The following RBBP8NL variants were observed in gnomAD, a reference collection of about 807,000 sequenced individuals.
The protein encoded by RBBP8NL is RBBP8 N-terminal like, also known as RBBP8 N-terminal-like protein.
A neutral mutation model predicts 62.2 loss-of-function variants in RBBP8NL; 59 were observed. That is an observed-to-expected ratio of 0.95 (90% CI 0.77 to 1.18). The LOEUF (loss-of-function observed/expected upper bound fraction) is 1.18. RBBP8NL is among the 50% of genes most tolerant of loss of function. The pLI is 0.00. For synonymous variants in RBBP8NL, 412 were observed against 394.1 expected, an observed-to-expected ratio of 1.05 and a Z score of -0.54; for missense variants, 896 against 899.5, an observed-to-expected ratio of 1.00 and a Z score of 0.05.
chr20:62,415,810 C>G lies in RBBP8NL; in HGVS notation c.522G>C (p.Gln174His), dbSNP rs778785704. 1.2e-6 allele frequency: 2 copies of G among 1,612,526 alleles called. No homozygotes were observed. The highest frequency in any genetic ancestry group is 1.7e-6 in the Non-Finnish European group (2 of 1,179,908). ...GGHEEAEEDH[Q>H]GVGLRGEEKP... ...CACCTTCTCCCCGTAGGCCCACGCCCTGGTGGTCTTCCTCAGCCTCCTCGT... is the reference window on the plus strand; with the variant it reads ...CACCTTCTCCCCGTAGGCCCACGCCGTGGTGGTCTTCCTCAGCCTCCTCGT... The change falls in exon 7 of 14, where the codon CAG (glutamine) becomes CAC (histidine). Residue 174 changes from glutamine (Q) to histidine (H), a missense_variant. Coordinates refer to ENST00000252998, the MANE Select transcript of RBBP8NL (RefSeq NM_080833.3).
chr20:62,415,298 G>A lies in RBBP8NL; in HGVS notation c.628-11C>T. 1.3e-6 allele frequency: 2 copies of A among 1,565,982 alleles called. No homozygotes were observed. The highest frequency in any genetic ancestry group is 1.7e-6 in the Non-Finnish European group (2 of 1,164,166). On this transcript the variant is annotated splice_polypyrimidine_tract_variant and intron_variant, in intron 8 of 13. Coordinates refer to ENST00000252998, the MANE Select transcript of RBBP8NL (RefSeq NM_080833.3). ...GATGCGCTGGGGGCTCTGTGAGGAT[G>A]GGTGGGTCAGCCTGGGCGGGGGCAT...
rs1008687038 is a variant in RBBP8NL, at chr20:62,415,388, C to A, written c.628-101G>T. 1.3e-5 allele frequency: 18 copies of A among 1,425,872 alleles called. No homozygotes were observed. The East Asian group carries it at 4.0e-4, about 31-fold the overall frequency. 88.3% of individuals were successfully genotyped at this position (1,425,872 alleles called of 1,614,324 possible). ...CCTGCCCTGGGCTGCTCCCACTCTG[C>A]CCCTGCTCACTGCTGAGCTGCACCC... On this transcript the variant is annotated intron_variant, in intron 8 of 13. Transcript: ENST00000252998.
rs1424937021 is a variant in RBBP8NL at position 62,416,161 on chromosome 20, C to T, written c.386+3G>A. On this transcript the variant is annotated splice_donor_region_variant and intron_variant, in intron 6 of 13. Coordinates refer to ENST00000252998, the MANE Select transcript of RBBP8NL (RefSeq NM_080833.3). ...CTGAGCCCTGGGACCCTTTCCCACT[C>T]ACCCCAGGCCCCGAAGCCGCTTCAC... is the stretch of plus-strand genomic sequence containing the variant. 2.5e-6 allele frequency: 4 copies of T among 1,611,100 alleles called. No individual in the cohort carries two copies. In the South Asian group the frequency reaches 4.4e-5, roughly 18 times the overall value.
At chr20:62,425,188 G>A (rs926301858) in intron 1 of RBBP8NL, among the ~76,000 whole-genome samples, 5 of 152,174 alleles carry the variant, frequency 3.3e-5, no homozygotes, top group African/African-American at 4.8e-5. Context: ...GTGAGCAGCC[G>A]AGGGAGACCC....
chr20:62,417,320 C>T lies in RBBP8NL; in HGVS notation c.105-1G>A. ...GAGCTCCTCGATCCTCTGGGCGTCC[C>T]TGTGGTGGGAAACAGCTAAAGTGGG... On this transcript the variant is annotated splice_acceptor_variant, in intron 3 of 13. Coordinates refer to ENST00000252998, the MANE Select transcript of RBBP8NL (RefSeq NM_080833.3). LOFTEE classifies it high-confidence loss of function. 6.3e-7 allele frequency: 1 copy of T among 1,589,828 alleles called. No individual in the cohort carries two copies. Among genetic ancestry groups the T allele is most frequent in the Non-Finnish European group, 8.6e-7 (1 of 1,167,936 alleles).
At position 62,417,426 on chromosome 20, in the gene RBBP8NL, G is replaced by C. The variant is rs1036432264; in HGVS notation, c.105-107C>G. ...AGCGCGATTCGGCACCTGCAGCCTT[G>C]GTCTGGGGGCAACGCCTAACCCGGT... On this transcript the variant is annotated intron_variant, in intron 3 of 13. Transcript: ENST00000252998. 2.0e-4 allele frequency: 162 copies of C among 814,866 alleles called. 1 individual carries two copies. The highest frequency in any genetic ancestry group is 7.2e-4 in the Admixed American group (31 of 43,142). The allele number at this position is 814,866 out of a possible 1,614,324, so 50.5% of individuals were successfully genotyped here.
At position 62,415,844 on chromosome 20, in the gene RBBP8NL, G is replaced by T; in HGVS notation, c.488C>A (p.Pro163Gln). ...GGWKAITEKP[P>Q]GGHEEAEEDH... is the part of the protein sequence containing the mutation. ...TTCCTCAGCCTCCTCGTGGCCTCCC[G>T]GTGGCTTCTCTGTGATGGCCTTCCA... Residue 163 changes from proline to glutamine, a missense_variant, in exon 7 of 14, where the codon CCG becomes CAG. Transcript: ENST00000252998. The T allele has an allele frequency of 4.3e-6, 7 of 1,612,156 alleles. No individual in the cohort carries two copies. The highest frequency in any genetic ancestry group is 5.1e-6 in the Non-Finnish European group (6 of 1,179,806).
intron 1 of RBBP8NL, among the ~76,000 whole-genome samples, chr20:62,424,891 C>A (rs188876779): frequency 4.1e-4 from 62 of 152,264 alleles, no homozygotes; most frequent in Admixed American, 2.9e-3. Flanking sequence ...GCACCCCCCC[C>A]ACCCGCTGAG....
At chr20:62,411,802 C>T (rs1988440533) in intron 13 of RBBP8NL, among the ~76,000 whole-genome samples, 1 of 152,262 alleles carries the variant, frequency 6.6e-6, no homozygotes, top group Non-Finnish European at 1.5e-5. Flanking sequence ...TCCACCCACT[C>T]AGCAGGAAGT....
At chr20:62,412,928 C>T (rs1272005825) in intron 11 of RBBP8NL, 28 bp from the exon 12 acceptor site, 1 of 1,611,282 alleles carries the variant, frequency 6.2e-7, no homozygotes, top group South Asian at 1.1e-5. Context: ...TGGGGTCAGG[C>T]CAGGCTGGTG....
chr20:62,415,813 G>C lies in RBBP8NL; in HGVS notation c.519C>G (p.His173Gln), dbSNP rs145553586. Residue 173 changes from histidine (H) to glutamine (Q), a missense_variant, in exon 7 of 14, where the codon CAC becomes CAG. By Grantham distance (24) the His-to-Gln change is conservative. Transcript: ENST00000252998. ...CTTCTCCCCGTAGGCCCACGCCCTG[G>C]TGGTCTTCCTCAGCCTCCTCGTGGC... ...PGGHEEAEED[H>Q]QGVGLRGEEK... 8.1e-6 allele frequency: 13 copies of C among 1,612,360 alleles called. No homozygotes were observed. In the African/African-American group the frequency reaches 1.7e-4, roughly 22 times the overall value.
intron 3 of RBBP8NL, among the ~76,000 whole-genome samples, chr20:62,418,115 T>C (rs1988622295): frequency 6.6e-6 from 1 of 152,236 alleles, no homozygotes; most frequent in Admixed American, 6.5e-5. Context: ...CGCCAGTGTC[T>C]GACCAGACAT....
chr20:62,426,762 G>A (rs1988817807), intron 1 of RBBP8NL, among the ~76,000 whole-genome samples: 1 of 152,138 alleles, frequency 6.6e-6, no homozygotes, highest in Admixed American at 6.5e-5. Flanking sequence ...TGTTGTGTGT[G>A]CACATGCACT....
At chr20:62,411,627 C>T (rs755235626) in intron 13 of RBBP8NL, among the ~76,000 whole-genome samples, 3 of 152,244 alleles carry the variant, frequency 2.0e-5, no homozygotes, top group Admixed American at 6.5e-5. Context: ...GCACTAGGCA[C>T]GAGGATGCTG....
At position 62,414,116 on chromosome 20, in the gene RBBP8NL, G is replaced by A; in HGVS notation, c.1235C>T (p.Ser412Phe). ...TGCAGGCTGTGTGTGCCGCCCTCCA[G>A]ACAGGCCTGCTGCGGCCAGAGCTGC... ...TRAALAAAGL[S>F]GGRHTQPAGP... The change falls in exon 10 of 14, where the codon TCT becomes TTT. Residue 412 changes from serine (S) to phenylalanine (F), a missense_variant. Coordinates refer to ENST00000252998, the MANE Select transcript of RBBP8NL (RefSeq NM_080833.3). The A allele has an allele frequency of 1.9e-6, 3 of 1,595,918 alleles. No individual in the cohort carries two copies. The highest frequency in any genetic ancestry group is 2.6e-6 in the Non-Finnish European group (3 of 1,173,258).
rs749027121 is a variant in RBBP8NL at position 62,415,807 on chromosome 20, G to A, written c.525C>T (p.Gly175=). The A allele has an allele frequency of 5.0e-6, 8 of 1,612,290 alleles. No individual in the cohort carries two copies. Among genetic ancestry groups the A allele is most frequent in the South Asian group, 2.2e-5 (2 of 91,082 alleles). ...CAGCACCTTCTCCCCGTAGGCCCAC[G>A]CCCTGGTGGTCTTCCTCAGCCTCCT... is the stretch of plus-strand genomic sequence containing the variant. ...GHEEAEEDHQ[G]VGLRGEEKPA... Residue 175 remains glycine (G), a synonymous_variant, in exon 7 of 14, where the codon GGC becomes GGT. Transcript: ENST00000252998.
chr20:62,415,550 A>C (rs3810554), intron 8 of RBBP8NL, 28 bp downstream of exon 8: 478,078 of 1,609,544 alleles, frequency 0.3, 74,383 homozygotes, highest in East Asian at 0.49. Flanking sequence ...CCAGCTGCAC[A>C]TGGTGGGCTC....
intron 2 of RBBP8NL, 74 bp downstream of exon 2, chr20:62,419,513 G>A (rs1988653163): frequency 6.7e-7 from 1 of 1,492,722 alleles, no homozygotes; most frequent in South Asian, 1.1e-5. Flanking sequence ...TGGGTGCACA[G>A]TGGCCTGCTC....
At chr20:62,415,035 A>G in intron 9 of RBBP8NL, 86 bp downstream of exon 9, 2 of 1,325,400 alleles carry the variant, frequency 1.5e-6, no homozygotes, top group Non-Finnish European at 1.0e-6. Flanking sequence ...GCTGTGAGGG[A>G]TAATCAGAGG....
Sources: gnomAD v4.1 joint callset for allele counts (sites outside exome capture counted in the v4.1 genomes callset) on GRCh38, gnomAD v4.1.1 for gene constraint, MANE v1.5 for transcripts, NCBI Gene and HGNC (gene_info 2026-07-23, HGNC 2026-07-21) for gene names.